The following USP34 variants were observed in gnomAD, a reference collection of about 807,000 sequenced individuals.
The protein encoded by USP34 is ubiquitin specific peptidase 34, also known as ubiquitin carboxyl-terminal hydrolase 34.
A neutral mutation model predicts 460.3 loss-of-function variants in USP34; 70 were observed. The ratio of observed to expected loss-of-function variants is 0.15; its 90% CI spans 0.13 to 0.19. The LOEUF is 0.19. Among genes scored for constraint, USP34 ranks in the 10% least tolerant of loss-of-function variants. The pLI, the probability that USP34 is intolerant of heterozygous loss-of-function variation, is 1.00. For synonymous variants in USP34, 1,647 were observed against 1,405.3 expected (o/e 1.17, Z -3.85); for missense variants, 3,985 against 4,236.2 (o/e 0.94, Z 1.65).
chr2:61,315,434 G>T (rs569041661), intron 23 of USP34, among the ~76,000 whole-genome samples: 1 of 151,452 alleles, frequency 6.6e-6, no homozygotes, highest in East Asian at 1.9e-4. Flanking sequence ...GTGCAGTGGC[G>T]CAATCTTGGC....
At chr2:61,226,511 T>C (rs894858684) in intron 62 of USP34, among the ~76,000 whole-genome samples, 2 of 152,210 alleles carry the variant, frequency 1.3e-5, no homozygotes, top group African/African-American at 4.8e-5. Flanking sequence ...TAGGATATCA[T>C]ATACACTTTT....
At chr2:61,431,099 G>A (rs947922257) in intron 1 of USP34, among the ~76,000 whole-genome samples, 1 of 152,186 alleles carries the variant, frequency 6.6e-6, no homozygotes, top group Non-Finnish European at 1.5e-5. Context: ...TTAGAGAAGA[G>A]GAATGTAGGG....
At chr2:61,369,446 C>T (rs1045414036) in intron 10 of USP34, among the ~76,000 whole-genome samples, 1 of 151,908 alleles carries the variant, frequency 6.6e-6, no homozygotes, top group Non-Finnish European at 1.5e-5. Context: ...AGTTCGAGAC[C>T]AGCCTGACCA....
At chr2:61,344,590 C>T (rs931613624) in intron 15 of USP34, among the ~76,000 whole-genome samples, 2 of 152,128 alleles carry the variant, frequency 1.3e-5, no homozygotes, top group Non-Finnish European at 2.9e-5. Context: ...ACCATTAATA[C>T]ACAGAATATG....
intron 34 of USP34, among the ~76,000 whole-genome samples, chr2:61,285,382 G>A (rs1033969094): frequency 4.2e-4 from 63 of 151,776 alleles, no homozygotes; most frequent in African/African-American, 1.5e-3. Flanking sequence ...ATCTACTTTG[G>A]AGGCTGAGAA....
chr2:61,461,428 T>C (rs1251321497), intron 1 of USP34, among the ~76,000 whole-genome samples: 1 of 150,806 alleles, frequency 6.6e-6, no homozygotes, highest in Non-Finnish European at 1.5e-5. Flanking sequence ...AACACTGAAA[T>C]CTGAAATACA....
At chr2:61,401,610 A>T (rs1208193955) in intron 3 of USP34, among the ~76,000 whole-genome samples, 1 of 130,286 alleles carries the variant, frequency 7.7e-6, no homozygotes, top group Non-Finnish European at 1.6e-5. Flanking sequence ...GTGCAGTGGC[A>T]CGATCTCAGC....
intron 18 of USP34, among the ~76,000 whole-genome samples, chr2:61,337,733 G>C (rs1356922012): frequency 2.0e-5 from 3 of 152,174 alleles, no homozygotes; most frequent in African/African-American, 7.2e-5. Flanking sequence ...TGGGATTACA[G>C]CCATTAGCTA....
intron 1 of USP34, among the ~76,000 whole-genome samples, chr2:61,426,910 C>T (rs1694528680): frequency 6.6e-6 from 1 of 152,220 alleles, no homozygotes; most frequent in African/African-American, 2.4e-5. Flanking sequence ...GAGTCTCCAC[C>T]TGGTAATCCA....
chr2:61,248,271 C>CGTGCTT (rs2103874921), intron 49 of USP34, among the ~76,000 whole-genome samples: 1 of 151,716 alleles, frequency 6.6e-6, no homozygotes, highest in African/African-American at 2.4e-5. Flanking sequence ...GAGCAACAAC[C>CGTGCTT]GTGCTTATCC....
At position 61,348,679 on chromosome 2, in the gene USP34, A is replaced by G. The variant is rs1572957062; in HGVS notation, c.1674+77T>C. 3.3e-6 allele frequency: 5 copies of G among 1,524,532 alleles called. No individual in the cohort carries two copies. The Admixed American group carries it at 8.7e-5, about 27-fold the overall frequency. The allele number at this position is 1,524,532 out of a possible 1,614,324, so 94.4% of individuals were successfully genotyped here. On this transcript the variant is annotated intron_variant, in intron 14 of 79. Coordinates refer to ENST00000398571, the MANE Select transcript of USP34 (RefSeq NM_014709.4). ...GGACAAGCCCAAACATGAATTATGTATATATACCCAATTCAAATGATAAAC... is the reference window on the plus strand; with the variant it reads ...GGACAAGCCCAAACATGAATTATGTGTATATACCCAATTCAAATGATAAAC...
At chr2:61,337,838 C>T (rs1243899343) in intron 18 of USP34, among the ~76,000 whole-genome samples, 1 of 152,122 alleles carries the variant, frequency 6.6e-6, no homozygotes, top group African/African-American at 2.4e-5. Context: ...TAGGCATATA[C>T]TTAGAAGAGG....
chr2:61,342,474 T>TA (rs1354273308), intron 16 of USP34, among the ~76,000 whole-genome samples: 13 of 151,472 alleles, frequency 8.6e-5, no homozygotes, highest in East Asian at 5.9e-4. Flanking sequence ...CTAATTTATT[T>TA]TTTTTTTTTG....
chr2:61,232,106 T>G (rs1219412487), intron 58 of USP34, among the ~76,000 whole-genome samples: 4 of 152,108 alleles, frequency 2.6e-5, no homozygotes, highest in Non-Finnish European at 4.4e-5. Flanking sequence ...GAGGTCACTA[T>G]AGTACCCTAC....
At chr2:61,366,177 G>C (rs1692434203) in intron 10 of USP34, among the ~76,000 whole-genome samples, 1 of 152,190 alleles carries the variant, frequency 6.6e-6, no homozygotes, top group East Asian at 1.9e-4. Flanking sequence ...GCCCACGTTG[G>C]CCTCCCAAAG....
intron 1 of USP34, among the ~76,000 whole-genome samples, chr2:61,439,691 T>TAA: frequency 6.6e-6 from 1 of 152,260 alleles, no homozygotes; most frequent in Non-Finnish European, 1.5e-5. Flanking sequence ...GACCTTGGCA[T>TAA]GTTTCTAAGA....
intron 27 of USP34, among the ~76,000 whole-genome samples, chr2:61,307,082 T>C (rs947157364): frequency 2.0e-5 from 3 of 152,002 alleles, no homozygotes; most frequent in African/African-American, 7.3e-5. Context: ...CCATCAATGA[T>C]AGACTGGATT....
intron 53 of USP34, among the ~76,000 whole-genome samples, chr2:61,238,698 C>A (rs1385372474): frequency 1.3e-5 from 2 of 152,058 alleles, no homozygotes; most frequent in African/African-American, 4.8e-5. Context: ...TAGGCACACC[C>A]ATTTAAAAAT....
At position 61,232,648 on chromosome 2, in the gene USP34, CA is replaced by C. The variant is rs1687940641; in HGVS notation, c.7033-117del. ...TGTTTTAATTCTTTTAAGTTCTTACCAGAAAAGTTTCTCTAATTGTCATAAA... is the reference window on the plus strand; with the variant it reads ...TGTTTTAATTCTTTTAAGTTCTTACCGAAAAGTTTCTCTAATTGTCATAAA... On this transcript the variant is annotated intron_variant, in intron 57 of 79. Transcript: ENST00000398571. The C allele has an allele frequency of 4.6e-6, 4 of 866,190 alleles. No individual in the cohort carries two copies. In the African/African-American group the frequency reaches 5.1e-5, roughly 11 times the overall value. The allele number at this position is 866,190 out of a possible 1,614,324, so 53.7% of individuals were successfully genotyped here. A position where few individuals can be genotyped will look rare whatever the true frequency, so the allele number is the denominator to read the frequency against.
Sources: gnomAD v4.1 joint callset for allele counts (sites outside exome capture counted in the v4.1 genomes callset) on GRCh38, gnomAD v4.1.1 for gene constraint, MANE v1.5 for transcripts, NCBI Gene and HGNC (gene_info 2026-07-23, HGNC 2026-07-21) for gene names.